The following ITGA9 variants were observed in gnomAD, a reference collection of about 807,000 sequenced individuals.
The protein encoded by ITGA9 is integrin alpha-9.
A neutral mutation model predicts 127.8 loss-of-function variants in ITGA9; 56 were observed. That is an observed-to-expected ratio of 0.44 (90% CI 0.35 to 0.55). ITGA9 has a LOEUF of 0.55. Ranked by LOEUF, ITGA9 falls within the 20% of genes least tolerant of loss-of-function variation. The pLI is 0.00. For missense variants in ITGA9, 1,196 were observed against 1,347.1 expected (o/e 0.89, Z 1.76); for synonymous variants, 508 against 514.5 (o/e 0.99, Z 0.17).
At chr3:37,601,876 C>T (rs1365207231) in intron 15 of ITGA9, among the ~76,000 whole-genome samples, 1 of 152,112 alleles carries the variant, frequency 6.6e-6, no homozygotes, top group Non-Finnish European at 1.5e-5. Flanking sequence ...AGCATGATGC[C>T]AGGCATCCGC....
At position 37,517,746 on chromosome 3, in the gene ITGA9, A is replaced by G. The variant is rs1699001240; in HGVS notation, c.1141+137A>G. The stretch of plus-strand genomic sequence containing the variant: ...TACTGATCCCCTTCGAAGGCCCATC[A>G]ATGTGCTGTGGGGAGATAGGACACG... On this transcript the variant is annotated intron_variant, in intron 10 of 27. Coordinates refer to ENST00000264741, the MANE Select transcript of ITGA9 (RefSeq NM_002207.3). The G allele has an allele frequency of 5.5e-6, 4 of 721,460 alleles. No homozygotes were observed. In the East Asian group the frequency reaches 1.1e-4, roughly 20 times the overall value. The allele number at this position is 721,460 out of a possible 1,614,324, so 44.7% of individuals were successfully genotyped here.
intron 14 of ITGA9, among the ~76,000 whole-genome samples, chr3:37,538,896 T>A (rs972716449): frequency 1.9e-4 from 29 of 152,260 alleles, no homozygotes; most frequent in African/African-American, 7.0e-4. Flanking sequence ...GTTCTAGAGA[T>A]GAAATGCTTC....
At chr3:37,538,215 A>C (rs546058175) in intron 14 of ITGA9, among the ~76,000 whole-genome samples, 1 of 152,326 alleles carries the variant, frequency 6.6e-6, no homozygotes, top group South Asian at 2.1e-4. Flanking sequence ...AATTTGTTAG[A>C]ATTTCACAGC....
At chr3:37,656,445 T>C (rs1318728205) in intron 17 of ITGA9, among the ~76,000 whole-genome samples, 3 of 152,188 alleles carry the variant, frequency 2.0e-5, no homozygotes, top group African/African-American at 7.2e-5. Flanking sequence ...TTTTATTCTG[T>C]TTGTAGCAAT....
intron 15 of ITGA9, among the ~76,000 whole-genome samples, chr3:37,588,228 C>T (rs931485735): frequency 6.6e-6 from 1 of 152,226 alleles, no homozygotes; most frequent in African/African-American, 2.4e-5. Context: ...ACCTTTATAA[C>T]AACTTGGAAG....
intron 12 of ITGA9, among the ~76,000 whole-genome samples, chr3:37,523,814 T>C (rs2125582711): frequency 6.6e-6 from 1 of 152,330 alleles, no homozygotes; most frequent in East Asian, 1.9e-4. Context: ...TGATCTACTC[T>C]GAATGGCTTA....
chr3:37,489,716 G>C (rs1426585779), intron 4 of ITGA9, among the ~76,000 whole-genome samples: 1 of 141,898 alleles, frequency 7.0e-6, no homozygotes, highest in African/African-American at 2.6e-5. Context: ...TTTTACTAGA[G>C]CTGTGTCTGC....
intron 15 of ITGA9, among the ~76,000 whole-genome samples, chr3:37,547,752 C>T (rs536496897): frequency 5.3e-5 from 8 of 152,176 alleles, no homozygotes; most frequent in South Asian, 4.2e-4. Flanking sequence ...CAAAAGGGGA[C>T]GCCAACCTTA....
chr3:37,493,272 A>G (rs1300273045), intron 4 of ITGA9, among the ~76,000 whole-genome samples: 2 of 152,208 alleles, frequency 1.3e-5, no homozygotes, highest in Admixed American at 1.3e-4. Context: ...AACGGCAGGA[A>G]GTGGCACTGT....
intron 18 of ITGA9, among the ~76,000 whole-genome samples, chr3:37,726,584 C>A (rs1696206240): frequency 6.6e-6 from 1 of 152,214 alleles, no homozygotes; most frequent in Non-Finnish European, 1.5e-5. Context: ...AGGGCTGTAG[C>A]CTGGGTCTAC....
chr3:37,556,922 G>A (rs1699436766), intron 15 of ITGA9, among the ~76,000 whole-genome samples: 1 of 152,208 alleles, frequency 6.6e-6, no homozygotes, highest in Non-Finnish European at 1.5e-5. Flanking sequence ...ACGCTGATGT[G>A]TGTTAATGGA....
At chr3:37,512,018 CTTTTCTTTTCTTTCTTTCTTTCTTTCTTT>C in intron 8 of ITGA9, among the ~76,000 whole-genome samples, 3 of 33,108 alleles carry the variant, frequency 9.1e-5, no homozygotes, top group African/African-American at 3.3e-4. Context: ...CTTTTCTTTT[CTTTTCTTTTCTTTCTTTCTTTCTTTCTTT>C]CTTTCTTTCT....
chr3:37,568,558 A>T (rs1187244417), intron 15 of ITGA9, among the ~76,000 whole-genome samples: 1 of 152,184 alleles, frequency 6.6e-6, no homozygotes, highest in Non-Finnish European at 1.5e-5. Context: ...TTTTCTTTTT[A>T]AAACTGAATG....
In ITGA9 at chr3:37,661,345, A is replaced by G. The variant is rs142669190; in HGVS notation, c.1916+7555A>G. On this transcript the variant is annotated intron_variant, in intron 17 of 27. Coordinates refer to ENST00000264741, the MANE Select transcript of ITGA9 (RefSeq NM_002207.3). ...CCTCTTAGGTTGGGTTATTTCTCAGAGGACCCCTGGCCTCTCAAAATAGCC... is the reference window on the plus strand; with the variant it reads ...CCTCTTAGGTTGGGTTATTTCTCAGGGGACCCCTGGCCTCTCAAAATAGCC... 8.9e-3 allele frequency among the ~76,000 whole-genome samples: 1,352 copies of G among 152,322 alleles called. 10 individuals carry two copies. The highest frequency in any genetic ancestry group is 0.015 in the Non-Finnish European group (990 of 68,028).
At chr3:37,514,857 C>T (rs750179579) in intron 9 of ITGA9, among the ~76,000 whole-genome samples, 6 of 152,136 alleles carry the variant, frequency 3.9e-5, no homozygotes, top group East Asian at 1.9e-4. Context: ...TGAGCCACCA[C>T]GCCTGGCCAA....
intron 15 of ITGA9, among the ~76,000 whole-genome samples, chr3:37,561,857 C>T (rs540665460): frequency 4.6e-5 from 7 of 152,282 alleles, no homozygotes; most frequent in African/African-American, 1.7e-4. Context: ...GGGGACTCAT[C>T]TCTCAGCCCT....
At chr3:37,670,693 T>G (rs1409445055) in intron 17 of ITGA9, among the ~76,000 whole-genome samples, 1 of 152,246 alleles carries the variant, frequency 6.6e-6, no homozygotes, top group African/African-American at 2.4e-5. Flanking sequence ...CCAGATCTTT[T>G]TATTTAATAT....
chr3:37,613,950 C>T (rs1327677994), intron 15 of ITGA9, among the ~76,000 whole-genome samples: 2 of 152,218 alleles, frequency 1.3e-5, no homozygotes, highest in Non-Finnish European at 2.9e-5. Flanking sequence ...TTTTGCTGTG[C>T]AGAAGCTCTT....
At chr3:37,804,288 A>G (rs1410193912) in intron 27 of ITGA9, among the ~76,000 whole-genome samples, 1 of 152,200 alleles carries the variant, frequency 6.6e-6, no homozygotes, top group Non-Finnish European at 1.5e-5. Flanking sequence ...AAAGATCAGA[A>G]GGCGAACTAT....
Sources: allele counts gnomAD v4.1 joint callset (sites outside exome capture counted in the v4.1 genomes callset), GRCh38; gene constraint gnomAD v4.1.1; transcripts MANE v1.5; gene names NCBI Gene and HGNC (gene_info 2026-07-23, HGNC 2026-07-21).